Variants in PTPRD observed in about 807,000 individuals in gnomAD.
PTPRD encodes the protein protein tyrosine phosphatase receptor type D, also known as receptor-type tyrosine-protein phosphatase delta.
Under a neutral mutation model 214.5 loss-of-function variants are expected in PTPRD, and 34 were observed. That is an observed-to-expected ratio of 0.16 (90% confidence interval 0.12 to 0.21). PTPRD has a LOEUF of 0.21. Among genes scored for constraint, PTPRD ranks in the 10% least tolerant of loss-of-function variants. The probability of loss-of-function intolerance (pLI) is 1.00; values close to 1 mark genes in which losing one functional copy is unlikely to be tolerated. For synonymous variants in PTPRD, 1,128 were observed against 845.7 expected, an observed-to-expected ratio of 1.33 and a Z score of -5.79; for missense variants, 2,545 against 2,398.7, an observed-to-expected ratio of 1.06 and a Z score of -1.27.
intron 2 of PTPRD, among the ~76,000 whole-genome samples, chr9:10,433,859 T>C (rs549131114): frequency 6.6e-6 from 1 of 151,974 alleles, no homozygotes; most frequent in East Asian, 1.9e-4. Flanking sequence ...AAGGAATCTA[T>C]AGGTTCTTTT....
intron 7 of PTPRD, among the ~76,000 whole-genome samples, chr9:9,659,191 G>T (rs1564374205): frequency 6.6e-6 from 1 of 151,942 alleles, no homozygotes; most frequent in Non-Finnish European, 1.5e-5. Flanking sequence ...ATCACTTCAT[G>T]CTTCCTATGT....
At chr9:8,623,383 A>G (rs948043653) in intron 14 of PTPRD, among the ~76,000 whole-genome samples, 3 of 151,934 alleles carry the variant, frequency 2.0e-5, no homozygotes, top group Admixed American at 1.3e-4. Context: ...TGTGGATCCT[A>G]CAACAGCCAA....
intron 7 of PTPRD, among the ~76,000 whole-genome samples, chr9:9,684,375 T>A (rs1481150964): frequency 6.6e-6 from 1 of 151,688 alleles, no homozygotes; most frequent in Non-Finnish European, 1.5e-5. Flanking sequence ...TCATTAATAT[T>A]TTACTGAGGC....
At chr9:8,432,432 A>T (rs1192811147) in intron 35 of PTPRD, among the ~76,000 whole-genome samples, 1 of 152,170 alleles carries the variant, frequency 6.6e-6, no homozygotes, top group Non-Finnish European at 1.5e-5. Flanking sequence ...CTACAATTTA[A>T]CCTACTTCCT....
intron 2 of PTPRD, among the ~76,000 whole-genome samples, chr9:10,453,004 G>A (rs1470688729): frequency 2.0e-5 from 3 of 151,558 alleles, no homozygotes; most frequent in South Asian, 2.1e-4. Context: ...ATTTTTGTGT[G>A]TGGTATGAGT....
chr9:8,524,000 T>C (rs915773576), intron 18 of PTPRD, among the ~76,000 whole-genome samples: 4 of 152,104 alleles, frequency 2.6e-5, no homozygotes, highest in African/African-American at 7.2e-5. Context: ...CTCTCAGTCT[T>C]TTCTTTAATC....
At position 8,955,434 on chromosome 9, in the gene PTPRD, A is replaced by G. The variant is rs886467197; in HGVS notation, c.-104+63263T>C. Among the ~76,000 whole-genome samples the G allele has an allele frequency of 4.0e-5, 6 of 151,686 alleles. No homozygotes were observed. In the East Asian group the frequency reaches 5.8e-4, roughly 15 times the overall value. Reference sequence around the variant, plus strand: ...AATTATTCTGGTATCACAGCTATCAATAATTGGTAAAGGACAGGGGGAGAG... The same window carrying G: ...AATTATTCTGGTATCACAGCTATCAGTAATTGGTAAAGGACAGGGGGAGAG... On this transcript the variant is annotated intron_variant, in intron 11 of 45. Coordinates refer to ENST00000381196, the MANE Select transcript of PTPRD (RefSeq NM_002839.4).
At chr9:10,139,991 G>A (rs2098971815) in intron 3 of PTPRD, among the ~76,000 whole-genome samples, 1 of 151,850 alleles carries the variant, frequency 6.6e-6, no homozygotes, top group East Asian at 1.9e-4. Context: ...ATAATTAATG[G>A]CCAAGTCCTC....
At chr9:9,754,154 A>T (rs1295809894) in intron 6 of PTPRD, among the ~76,000 whole-genome samples, 1 of 152,076 alleles carries the variant, frequency 6.6e-6, no homozygotes, top group Non-Finnish European at 1.5e-5. Flanking sequence ...ATGAATGGAA[A>T]TGTGTTCTGT....
intron 11 of PTPRD, among the ~76,000 whole-genome samples, chr9:8,993,796 T>C (rs999755124): frequency 1.5e-4 from 23 of 152,138 alleles, no homozygotes; most frequent in African/African-American, 5.5e-4. Flanking sequence ...TTATGAAATG[T>C]TTATTAAGCA....
At chr9:8,512,143 T>C (rs898887596) in intron 21 of PTPRD, among the ~76,000 whole-genome samples, 16 of 152,076 alleles carry the variant, frequency 1.1e-4, no homozygotes, top group African/African-American at 3.9e-4. Context: ...TTAAGGTACA[T>C]GTTTTAAAAT....
At chr9:9,140,800 G>C (rs777818341) in intron 10 of PTPRD, among the ~76,000 whole-genome samples, 1 of 152,064 alleles carries the variant, frequency 6.6e-6, no homozygotes, top group Non-Finnish European at 1.5e-5. Context: ...GGATGGTCTC[G>C]ATCTCCTGAC....
At chr9:9,780,479 G>A (rs2098834466) in intron 5 of PTPRD, among the ~76,000 whole-genome samples, 1 of 152,124 alleles carries the variant, frequency 6.6e-6, no homozygotes, top group Non-Finnish European at 1.5e-5. Context: ...AAGATATATA[G>A]ATAACAAATA....
intron 10 of PTPRD, among the ~76,000 whole-genome samples, chr9:9,180,208 C>A (rs1251338657): frequency 6.6e-6 from 1 of 151,460 alleles, no homozygotes; most frequent in Non-Finnish European, 1.5e-5. Flanking sequence ...AAATGTCCAA[C>A]AATGATAGAC....
intron 9 of PTPRD, among the ~76,000 whole-genome samples, chr9:9,248,570 A>G (rs1415620151): frequency 6.6e-6 from 1 of 151,992 alleles, no homozygotes; most frequent in Admixed American, 6.6e-5. Flanking sequence ...TAGAGTAATG[A>G]TTGTTTATAT....
At chr9:8,559,242 G>C (rs2141173897) in intron 14 of PTPRD, among the ~76,000 whole-genome samples, 1 of 152,232 alleles carries the variant, frequency 6.6e-6, no homozygotes, top group Admixed American at 6.5e-5. Context: ...TATTTCAAAA[G>C]CGCTAGAGGA....
chr9:9,019,337 A>AAAGG, intron 10 of PTPRD, among the ~76,000 whole-genome samples: 4 of 17,910 alleles, frequency 2.2e-4, no homozygotes, highest in Non-Finnish European at 3.5e-4. Flanking sequence ...AGAAAGAAAG[A>AAAGG]ACGAAAGAAA....
At chr9:10,240,624 T>C (rs1473058659) in intron 3 of PTPRD, among the ~76,000 whole-genome samples, 3 of 151,836 alleles carry the variant, frequency 2.0e-5, no homozygotes, top group African/African-American at 7.2e-5. Context: ...TAAAAATATA[T>C]AAAACAATAT....
rs1449112278 is a variant in PTPRD, at chr9:9,931,840, G to A, written c.-368+6667C>T. On this transcript the variant is annotated intron_variant, in intron 5 of 45. Coordinates refer to ENST00000381196, the MANE Select transcript of PTPRD (RefSeq NM_002839.4). ...TTAAATGTCCCTGTCTGACAGCTTT[G>A]AAGAGAGCAGTGGTTCTCCCAGCAC... Among the ~76,000 whole-genome samples, 10 of 151,000 alleles carry A rather than the reference G, an allele frequency of 6.6e-5. No homozygotes were observed. In the East Asian group the frequency reaches 2.0e-3, roughly 30 times the overall value.
Sources: gnomAD v4.1 joint callset for allele counts (sites outside exome capture counted in the v4.1 genomes callset) on GRCh38, gnomAD v4.1.1 for gene constraint, MANE v1.5 for transcripts, NCBI Gene and HGNC (gene_info 2026-07-23, HGNC 2026-07-21) for gene names.